SLC12A8: variants seen among roughly 807,000 people sequenced by gnomAD.
SLC12A8 encodes solute carrier family 12 member 8, also known as cation-chloride cotransporter 9.
A neutral mutation model predicts 75.6 loss-of-function variants in SLC12A8; 69 were observed. That is an observed-to-expected ratio of 0.91 (90% CI 0.75 to 1.11). The LOEUF (loss-of-function observed/expected upper bound fraction) is 1.11. Among genes scored for constraint, SLC12A8 ranks in the 50% most tolerant of loss-of-function variants. SLC12A8 has a pLI of 0.00. For synonymous variants in SLC12A8, 365 were observed against 372.8 expected (o/e 0.98, Z 0.24); for missense variants, 877 against 896.7 (o/e 0.98, Z 0.28).
chr3:125,175,858 C>A (rs1000815890), intron 5 of SLC12A8, among the ~76,000 whole-genome samples: 5 of 152,186 alleles, frequency 3.3e-5, no homozygotes, highest in African/African-American at 1.2e-4. Flanking sequence ...ATCACATTGG[C>A]CCTGAGCATT....
chr3:125,136,845 T>G (rs1420551826), intron 5 of SLC12A8, among the ~76,000 whole-genome samples: 2 of 152,200 alleles, frequency 1.3e-5, no homozygotes, highest in Admixed American at 1.3e-4. Flanking sequence ...TCTGTGAACA[T>G]GCTAGTGGGC....
chr3:125,099,054 T>C (rs1439050350), intron 10 of SLC12A8, among the ~76,000 whole-genome samples: 1 of 152,184 alleles, frequency 6.6e-6, no homozygotes, highest in African/African-American at 2.4e-5. Flanking sequence ...TGAAAGAACC[T>C]GGCAAAACAT....
chr3:125,182,381 T>A (rs6770908), intron 4 of SLC12A8, among the ~76,000 whole-genome samples: 93,520 of 151,926 alleles, frequency 0.62, 30,007 homozygotes, highest in Non-Finnish European at 0.71. Flanking sequence ...TAAATTATGG[T>A]ATATTTATAC....
At position 125,110,299 on chromosome 3, in the gene SLC12A8, A is replaced by G. The variant is rs774327805; in HGVS notation, c.949T>C (p.Tyr317His). The stretch of plus-strand genomic sequence containing the variant: ...ATGCAGGAAGCCAGGGACGAGATGT[A>G]TAAGCCCAAAAGGAACAGGAAGCCC... Reference protein sequence around the residue: ...LMGFLFLLGLYISSLASCMGG... With the variant: ...LMGFLFLLGLHISSLASCMGG... Residue 317 changes from tyrosine (Y) to histidine (H), a missense_variant, in exon 9 of 14, where the codon TAC (tyrosine) becomes CAC (histidine). Coordinates refer to ENST00000469902, the MANE Select transcript of SLC12A8 (RefSeq NM_024628.6). 1.2e-6 allele frequency: 2 copies of G among 1,614,080 alleles called. No individual in the cohort carries two copies. Among genetic ancestry groups the G allele is most frequent in the East Asian group, 2.2e-5 (1 of 44,874 alleles).
intron 5 of SLC12A8, among the ~76,000 whole-genome samples, chr3:125,149,298 A>G (rs1216630700): frequency 6.6e-6 from 1 of 152,222 alleles, no homozygotes; most frequent in Non-Finnish European, 1.5e-5. Flanking sequence ...CCCCAAGCCA[A>G]AGCCAGCAAA....
At chr3:125,179,704 TGAGAGAGAGAGAGA>T (rs5852445) in intron 4 of SLC12A8, among the ~76,000 whole-genome samples, 26,891 of 150,340 alleles carry the variant, frequency 0.18, 2,722 homozygotes, top group South Asian at 0.38. Flanking sequence ...CAATCATTTC[TGAGAGAGAGAGAGA>T]GAGAGAGAGA....
chr3:125,108,742 A>T (rs1939105658), intron 9 of SLC12A8, among the ~76,000 whole-genome samples: 1 of 152,148 alleles, frequency 6.6e-6, no homozygotes, highest in Non-Finnish European at 1.5e-5. Flanking sequence ...TTTGTCTTTC[A>T]TTGGGTTTTA....
chr3:125,087,859 T>C (rs1938498487), intron 13 of SLC12A8, among the ~76,000 whole-genome samples: 1 of 152,206 alleles, frequency 6.6e-6, no homozygotes, highest in Non-Finnish European at 1.5e-5. Context: ...TTTATTTCTA[T>C]ACTTGGCCTC....
chr3:125,118,038 T>C (rs1461360162), intron 8 of SLC12A8, among the ~76,000 whole-genome samples: 1 of 152,256 alleles, frequency 6.6e-6, no homozygotes, highest in Non-Finnish European at 1.5e-5. Context: ...CACGTCTGCC[T>C]GTCCAGCCTC....
chr3:125,158,859 C>T (rs943224380), intron 5 of SLC12A8, among the ~76,000 whole-genome samples: 3 of 152,028 alleles, frequency 2.0e-5, no homozygotes, highest in African/African-American at 7.2e-5. Flanking sequence ...ATTGCAGCAA[C>T]CCACCAAGAG....
intron 6 of SLC12A8, among the ~76,000 whole-genome samples, chr3:125,130,291 A>G (rs1020009154): frequency 1.3e-5 from 2 of 152,168 alleles, no homozygotes; most frequent in Non-Finnish European, 2.9e-5. Context: ...ATCATTATCA[A>G]AAGTGAATAT....
intron 10 of SLC12A8, among the ~76,000 whole-genome samples, chr3:125,103,660 T>A (rs2107739379): frequency 6.6e-6 from 1 of 150,990 alleles, no homozygotes; most frequent in South Asian, 2.1e-4. Flanking sequence ...AGACACAGGG[T>A]CTCAATATGT....
At chr3:125,161,672 A>C (rs2107777996) in intron 5 of SLC12A8, among the ~76,000 whole-genome samples, 1 of 131,202 alleles carries the variant, frequency 7.6e-6, no homozygotes. Context: ...AAGCACATGT[A>C]CTTTTCTCAA....
At chr3:125,176,842 T>A (rs1007576403) in intron 5 of SLC12A8, among the ~76,000 whole-genome samples, 1 of 144,950 alleles carries the variant, frequency 6.9e-6, no homozygotes. Flanking sequence ...CTAGAGAGGA[T>A]GTGCAGAAAT....
At chr3:125,139,102 G>A (rs911201081) in intron 5 of SLC12A8, among the ~76,000 whole-genome samples, 5 of 152,134 alleles carry the variant, frequency 3.3e-5, no homozygotes, top group African/African-American at 7.2e-5. Flanking sequence ...CCACTTTCTC[G>A]TCAGCTTTTC....
At chr3:125,166,611 G>C (rs74861796) in intron 5 of SLC12A8, among the ~76,000 whole-genome samples, 1 of 152,118 alleles carries the variant, frequency 6.6e-6, no homozygotes, top group Non-Finnish European at 1.5e-5. Flanking sequence ...GACTGTACGG[G>C]GAGCGCCAGG....
At chr3:125,207,967 C>A (rs976845074) in intron 2 of SLC12A8, among the ~76,000 whole-genome samples, 5 of 152,204 alleles carry the variant, frequency 3.3e-5, no homozygotes, top group Admixed American at 6.5e-5. Context: ...CTCATAAAAA[C>A]CCTGAGAATC....
chr3:125,109,648 T>C (rs770029469), intron 9 of SLC12A8, among the ~76,000 whole-genome samples: 1 of 152,222 alleles, frequency 6.6e-6, no homozygotes, highest in Admixed American at 6.5e-5. Context: ...ATTTTAATCA[T>C]TCCAGCCATG....
chr3:125,158,980 C>T (rs962488596), intron 5 of SLC12A8, among the ~76,000 whole-genome samples: 1 of 152,130 alleles, frequency 6.6e-6, no homozygotes, highest in South Asian at 2.1e-4. Flanking sequence ...TCCCTAGAAT[C>T]AGGGGTAGAA....
Sources: allele counts gnomAD v4.1 joint callset (sites outside exome capture counted in the v4.1 genomes callset), GRCh38; gene constraint gnomAD v4.1.1; transcripts MANE v1.5; gene names NCBI Gene and HGNC (gene_info 2026-07-23, HGNC 2026-07-21).